LUZP2: variants seen among roughly 807,000 people sequenced by gnomAD.
The protein encoded by LUZP2 is leucine zipper protein 2.
Under a neutral mutation model 51.6 loss-of-function variants are expected in LUZP2, and 52 were observed. That is an observed-to-expected ratio of 1.01 (90% CI 0.81 to 1.27). The LOEUF (loss-of-function observed/expected upper bound fraction) is 1.27. Ranked by LOEUF, LUZP2 falls within the 50% of genes most tolerant of loss-of-function variation. The pLI is 0.00. For missense variants in LUZP2, 436 were observed against 395.4 expected, an observed-to-expected ratio of 1.10 and a Z score of -0.87; for synonymous variants, 154 against 137.3, an observed-to-expected ratio of 1.12 and a Z score of -0.85.
rs867629916 is a variant in LUZP2, at chr11:24,976,524, G to C, written c.523-67G>C. The C allele has an allele frequency of 4.2e-6, 4 of 963,814 alleles. No homozygotes were observed. In the South Asian group the frequency reaches 5.4e-5, roughly 13 times the overall value. 59.7% of individuals were successfully genotyped at this position (963,814 alleles called of 1,614,324 possible). A position where few individuals can be genotyped will look rare whatever the true frequency, so the allele number is the denominator to read the frequency against. ...TTTTTACAATTCTTTGGCAATATATGACAGATGCTTAAAGTACAGAGGGAA... is the reference window on the plus strand; with the variant it reads ...TTTTTACAATTCTTTGGCAATATATCACAGATGCTTAAAGTACAGAGGGAA... On this transcript the variant is annotated intron_variant, in intron 7 of 11. Coordinates refer to ENST00000336930, the MANE Select transcript of LUZP2 (RefSeq NM_001009909.4).
At chr11:24,825,126 A>G (rs1306136192) in intron 5 of LUZP2, among the ~76,000 whole-genome samples, 1 of 152,190 alleles carries the variant, frequency 6.6e-6, no homozygotes, top group Non-Finnish European at 1.5e-5. Context: ...TATCCAAGAT[A>G]TTTAGTCTAA....
At chr11:24,879,854 C>CCCTCT (rs61238781) in intron 5 of LUZP2, among the ~76,000 whole-genome samples, 73,390 of 151,248 alleles carry the variant, frequency 0.49, 18,252 homozygotes, top group East Asian at 0.69. Flanking sequence ...CTTTAATCTA[C>CCCTCT]CCTCTCCTCT....
In LUZP2 at chr11:25,078,810, C is replaced by T. The variant is rs2134065596; in HGVS notation, c.*152C>T. Reference sequence around the variant, plus strand: ...AGTAGCCTACACATTTTCAAAGATTCCAGACCAATTATGATCCTTAAGCAA... The same window carrying T: ...AGTAGCCTACACATTTTCAAAGATTTCAGACCAATTATGATCCTTAAGCAA... On this transcript the variant is annotated 3_prime_UTR_variant, in exon 12 of 12. Transcript: ENST00000336930. The T allele has an allele frequency of 1.6e-6, 1 of 615,908 alleles. No individual in the cohort carries two copies. The highest frequency in any genetic ancestry group is 2.8e-6 in the Non-Finnish European group (1 of 360,872). 38.2% of individuals were successfully genotyped at this position (615,908 alleles called of 1,614,324 possible).
At chr11:24,876,875 A>G (rs1204283166) in intron 5 of LUZP2, among the ~76,000 whole-genome samples, 1 of 152,120 alleles carries the variant, frequency 6.6e-6, no homozygotes, top group African/African-American at 2.4e-5. Context: ...TCATGGACCA[A>G]ACAGGAACGG....
chr11:24,929,427 C>T (rs1348539684), intron 7 of LUZP2, among the ~76,000 whole-genome samples: 1 of 152,032 alleles, frequency 6.6e-6, no homozygotes, highest in East Asian at 1.9e-4. Context: ...TCACTATTAT[C>T]ATTCAGTTCA....
At chr11:24,731,243 A>G (rs1169035512) in intron 2 of LUZP2, among the ~76,000 whole-genome samples, 1 of 151,804 alleles carries the variant, frequency 6.6e-6, no homozygotes, top group African/African-American at 2.4e-5. Context: ...AGGTCTTTGC[A>G]TGATTCATAA....
chr11:24,817,243 A>G (rs1850215713), intron 5 of LUZP2, among the ~76,000 whole-genome samples: 2 of 152,024 alleles, frequency 1.3e-5, no homozygotes, highest in African/African-American at 4.8e-5. Flanking sequence ...TAATAACAAC[A>G]AGTATGTGTC....
intron 8 of LUZP2, among the ~76,000 whole-genome samples, chr11:24,977,157 T>C (rs1351548930): frequency 6.6e-6 from 1 of 151,780 alleles, no homozygotes; most frequent in Non-Finnish European, 1.5e-5. Flanking sequence ...TAAATGGAAG[T>C]AATTTAACTG....
At chr11:24,932,420 T>G (rs1460160194) in intron 7 of LUZP2, among the ~76,000 whole-genome samples, 1 of 152,046 alleles carries the variant, frequency 6.6e-6, no homozygotes, top group Non-Finnish European at 1.5e-5. Context: ...GACCTTCAGG[T>G]CGGGGGCAGG....
chr11:24,707,245 C>A (rs2133922712), intron 1 of LUZP2, among the ~76,000 whole-genome samples: 1 of 151,880 alleles, frequency 6.6e-6, no homozygotes, highest in African/African-American at 2.4e-5. Context: ...ATATTCAAAT[C>A]TATTCTGTAA....
chr11:24,899,509 C>T (rs537060720), intron 5 of LUZP2, among the ~76,000 whole-genome samples: 3 of 151,770 alleles, frequency 2.0e-5, no homozygotes, highest in East Asian at 3.9e-4. Context: ...AGAAAGATAT[C>T]GCCAGACTAT....
chr11:24,708,042 C>G (rs113722005), intron 1 of LUZP2, among the ~76,000 whole-genome samples: 1 of 151,938 alleles, frequency 6.6e-6, no homozygotes, highest in South Asian at 2.1e-4. Context: ...TGGAGGGAGT[C>G]AGGGCAGAGC....
At chr11:24,864,441 A>G (rs1233214377) in intron 5 of LUZP2, among the ~76,000 whole-genome samples, 1 of 152,242 alleles carries the variant, frequency 6.6e-6, no homozygotes, top group Non-Finnish European at 1.5e-5. Flanking sequence ...AAATAAATAA[A>G]GGCTGTGATA....
chr11:24,652,063 C>T (rs1399334707), intron 1 of LUZP2, among the ~76,000 whole-genome samples: 2 of 151,134 alleles, frequency 1.3e-5, no homozygotes, highest in African/African-American at 4.9e-5. Context: ...TATGTGTGTA[C>T]ACATGTTGTA....
chr11:24,642,753 A>G (rs114149558), intron 1 of LUZP2, among the ~76,000 whole-genome samples: 2,338 of 152,132 alleles, frequency 0.015, 110 homozygotes, highest in African/African-American at 0.053. Flanking sequence ...TCAACTCTGC[A>G]TGTAAGAGAA....
At chr11:24,603,569 A>T (rs1412961385) in intron 1 of LUZP2, among the ~76,000 whole-genome samples, 2 of 151,872 alleles carry the variant, frequency 1.3e-5, no homozygotes, top group Non-Finnish European at 3.0e-5. Context: ...AATATTTTAT[A>T]AAATGGTACA....
At chr11:24,627,073 T>G (rs555057739) in intron 1 of LUZP2, among the ~76,000 whole-genome samples, 33 of 152,266 alleles carry the variant, frequency 2.2e-4, no homozygotes, top group African/African-American at 7.9e-4. Context: ...TTTGATTGAG[T>G]AGAAAGACAA....
intron 9 of LUZP2, among the ~76,000 whole-genome samples, chr11:25,014,212 G>A (rs1377842556): frequency 3.3e-5 from 5 of 152,142 alleles, no homozygotes; most frequent in Admixed American, 6.6e-5. Flanking sequence ...ATAAACATAC[G>A]TGTGCGTGTG....
At chr11:25,070,516 C>T (rs1859123634) in intron 10 of LUZP2, among the ~76,000 whole-genome samples, 1 of 145,472 alleles carries the variant, frequency 6.9e-6, no homozygotes, top group African/African-American at 2.6e-5. Context: ...TAGGGTCTGC[C>T]TGTGAGAACC....
Sources: allele counts gnomAD v4.1 joint callset (sites outside exome capture counted in the v4.1 genomes callset), GRCh38; gene constraint gnomAD v4.1.1; transcripts MANE v1.5; gene names NCBI Gene and HGNC (gene_info 2026-07-23, HGNC 2026-07-21).